The following MAPK10 variants were observed in gnomAD, a reference collection of about 807,000 sequenced individuals.
MAPK10 encodes mitogen-activated protein kinase 10.
In MAPK10, 25 loss-of-function variants were observed where a neutral mutation model predicts 59.3. That is an observed-to-expected ratio of 0.42 (90% CI 0.31 to 0.59). The LOEUF (loss-of-function observed/expected upper bound fraction) is 0.59. Among genes scored for constraint, MAPK10 ranks in the 20% least tolerant of loss-of-function variants. MAPK10 has a pLI of 0.15. For synonymous variants in MAPK10, 190 were observed against 200.5 expected (o/e 0.95, Z 0.44); for missense variants, 351 against 568.9 (o/e 0.62, Z 3.90).
At chr4:86,170,931 C>T (rs963635841) in intron 3 of MAPK10, 69 of 151,428 alleles carry the variant, frequency 4.6e-4, no homozygotes, top group Non-Finnish European at 8.2e-4. Context: ...CACTCAAAAC[C>T]GCTCAACTAC....
chr4:86,456,405 A>T (rs1751231783), upstream of MAPK10, among the ~76,000 whole-genome samples: 2 of 152,172 alleles, frequency 1.3e-5, no homozygotes, highest in South Asian at 4.1e-4. Context: ...TTGATAGACC[A>T]TTAGCAAGAT....
intron 11 of MAPK10, among the ~76,000 whole-genome samples, chr4:86,057,286 A>G (rs994391082): frequency 4.0e-5 from 6 of 150,106 alleles, no homozygotes; most frequent in Admixed American, 1.3e-4. Flanking sequence ...TAAAAATCAT[A>G]GCTAAAAGTG....
chr4:86,566,653 T>C (rs1337858720), intron 1 of MAPK10, among the ~76,000 whole-genome samples: 1 of 151,974 alleles, frequency 6.6e-6, no homozygotes, highest in Non-Finnish European at 1.5e-5. Flanking sequence ...TGACGGAGTT[T>C]GCAGTGAGCC....
intron 2 of MAPK10, among the ~76,000 whole-genome samples, chr4:86,195,035 T>C (rs1014366198): frequency 6.6e-6 from 1 of 152,284 alleles, no homozygotes; most frequent in East Asian, 1.9e-4. Flanking sequence ...AGGCACCATA[T>C]TAACATAAGT....
At chr4:86,310,070 A>G (rs536668387) in intron 2 of MAPK10, among the ~76,000 whole-genome samples, 21 of 152,290 alleles carry the variant, frequency 1.4e-4, no homozygotes, top group African/African-American at 4.6e-4. Flanking sequence ...CAGAAACTCA[A>G]AAGAATGCAA....
At chr4:86,249,294 G>A (rs1040769022) in intron 2 of MAPK10, among the ~76,000 whole-genome samples, 2 of 152,150 alleles carry the variant, frequency 1.3e-5, no homozygotes, top group Admixed American at 1.3e-4. Flanking sequence ...CATTGGTTTA[G>A]TGGCTCAGTT....
At chr4:86,351,910 A>C (rs972503977) in intron 2 of MAPK10, among the ~76,000 whole-genome samples, 1 of 152,222 alleles carries the variant, frequency 6.6e-6, no homozygotes, top group Non-Finnish European at 1.5e-5. Context: ...GGTACTTCAC[A>C]AAAGACGAAA....
At chr4:86,583,533 T>G (rs1668436147) in intron 1 of MAPK10, among the ~76,000 whole-genome samples, 3 of 152,224 alleles carry the variant, frequency 2.0e-5, no homozygotes, top group South Asian at 4.1e-4. Context: ...CATCATTCTT[T>G]TTCGGTCTTG....
At position 86,012,239 on chromosome 4, in the gene MAPK10, G is replaced by C. The variant is rs1351471272; in HGVS notation, c.*4989C>G. 6.6e-6 allele frequency: 1 copy of C among 152,152 alleles called. No individual in the cohort carries two copies. The highest frequency in any genetic ancestry group is 2.4e-5 in the African/African-American group (1 of 41,440). The allele number at this position is 152,152 out of a possible 1,614,324, so 9.4% of individuals were successfully genotyped here. Reference sequence around the variant, plus strand: ...GAAACCAGTGTCAAATGAAAACACAGATTTCTACATGGTCACATTCATATC... The same window carrying C: ...GAAACCAGTGTCAAATGAAAACACACATTTCTACATGGTCACATTCATATC... On this transcript the variant is annotated 3_prime_UTR_variant, in exon 14 of 14. Transcript: ENST00000641462.
chr4:86,026,009 T>G (rs1182502305), intron 13 of MAPK10, among the ~76,000 whole-genome samples: 1 of 152,136 alleles, frequency 6.6e-6, no homozygotes, highest in Non-Finnish European at 1.5e-5. Flanking sequence ...AAAAAGTAAA[T>G]AAAATTAATG....
At chr4:86,479,625 T>C (rs563069465) in intron 1 of MAPK10, among the ~76,000 whole-genome samples, 6 of 152,168 alleles carry the variant, frequency 3.9e-5, no homozygotes, top group Non-Finnish European at 8.8e-5. Flanking sequence ...CTCCTGGTGC[T>C]ATCCCCAAAC....
chr4:86,207,031 G>A (rs1167283245), intron 2 of MAPK10, among the ~76,000 whole-genome samples: 1 of 151,734 alleles, frequency 6.6e-6, no homozygotes, highest in Admixed American at 6.6e-5. Flanking sequence ...CTTTTGCTGT[G>A]CAGAAGCTCT....
intron 2 of MAPK10, among the ~76,000 whole-genome samples, chr4:86,196,275 T>C (rs115819462): frequency 0.016 from 2,422 of 152,324 alleles, 78 homozygotes; most frequent in African/African-American, 0.055. Flanking sequence ...TGGCATGAGA[T>C]GTTATCTTAT....
chr4:86,356,101 T>C (rs939996441), intron 1 of MAPK10, among the ~76,000 whole-genome samples: 1 of 152,142 alleles, frequency 6.6e-6, no homozygotes, highest in African/African-American at 2.4e-5. Context: ...GTGAAAATCC[T>C]GTTTATTACT....
At chr4:86,475,320 G>A (rs569250834) in intron 1 of MAPK10, among the ~76,000 whole-genome samples, 3 of 152,058 alleles carry the variant, frequency 2.0e-5, no homozygotes, top group Non-Finnish European at 2.9e-5. Context: ...ATCTACCTAC[G>A]ACCTCGGGTC....
At chr4:86,074,143 A>T (rs2149011479) in intron 9 of MAPK10, among the ~76,000 whole-genome samples, 1 of 114,658 alleles carries the variant, frequency 8.7e-6, no homozygotes, top group East Asian at 2.3e-4. Context: ...CTTTACCATT[A>T]TGTAATGACC....
chr4:86,029,340 C>A, intron 12 of MAPK10, 66 bp from the exon 13 acceptor site: 1 of 950,082 alleles, frequency 1.1e-6, no homozygotes, highest in Non-Finnish European at 1.7e-6. Flanking sequence ...AAATTCATTA[C>A]TTAATGCCAA....
At chr4:86,195,643 A>G (rs950229504) in intron 2 of MAPK10, among the ~76,000 whole-genome samples, 4 of 152,170 alleles carry the variant, frequency 2.6e-5, no homozygotes, top group Non-Finnish European at 5.9e-5. Flanking sequence ...ACATAGGTAT[A>G]CATGTGCCAT....
At chr4:86,364,677 G>A (rs1225151562), upstream of MAPK10, among the ~76,000 whole-genome samples, 1 of 152,056 alleles carries the variant, frequency 6.6e-6, no homozygotes. Context: ...CCCATTCCCG[G>A]TTGGATAAAA....
Sources: gnomAD v4.1 joint callset for allele counts (sites outside exome capture counted in the v4.1 genomes callset) on GRCh38, gnomAD v4.1.1 for gene constraint, MANE v1.5 for transcripts, NCBI Gene and HGNC (gene_info 2026-07-23, HGNC 2026-07-21) for gene names.